The following NUP153 variants were observed in gnomAD, a reference collection of about 807,000 sequenced individuals.
The protein encoded by NUP153 is nucleoporin 153, also known as nuclear pore complex protein Nup153.
Under a neutral mutation model 134.6 loss-of-function variants are expected in NUP153, and 27 were observed. The ratio of observed to expected loss-of-function variants is 0.20; its 90% CI spans 0.15 to 0.28. The LOEUF (loss-of-function observed/expected upper bound fraction) is 0.28, where lower values mean the gene tolerates loss of function less well. NUP153 is among the 10% of genes least tolerant of loss of function. The pLI is 1.00. For synonymous variants in NUP153, 640 were observed against 623.5 expected (o/e 1.03, Z -0.40); for missense variants, 1,821 against 1,731.3 (o/e 1.05, Z -0.92).
intron 2 of NUP153, among the ~76,000 whole-genome samples, chr6:17,686,084 G>T (rs999723889): frequency 6.6e-6 from 1 of 151,910 alleles, no homozygotes; most frequent in Non-Finnish European, 1.5e-5. Context: ...GAAGGTTGAG[G>T]TTGCAGTGAG....
chr6:17,670,245 G>A (rs1298513662), intron 5 of NUP153, among the ~76,000 whole-genome samples: 2 of 151,840 alleles, frequency 1.3e-5, no homozygotes, highest in African/African-American at 2.4e-5. Flanking sequence ...CATAATTACT[G>A]TTAATTATAT....
At chr6:17,682,940 A>AC (rs1448884679) in intron 2 of NUP153, among the ~76,000 whole-genome samples, 8 of 151,480 alleles carry the variant, frequency 5.3e-5, no homozygotes, top group Non-Finnish European at 1.0e-4. Flanking sequence ...AAAAAAAAAA[A>AC]AACACTTTCT....
intron 14 of NUP153, among the ~76,000 whole-genome samples, chr6:17,644,404 G>A (rs1766028931): frequency 6.6e-6 from 1 of 152,158 alleles, no homozygotes; most frequent in Admixed American, 6.5e-5. Flanking sequence ...AATGCAGTCA[G>A]AATAAAATCC....
intron 9 of NUP153, among the ~76,000 whole-genome samples, chr6:17,663,947 C>T (rs184253426): frequency 2.0e-5 from 3 of 151,714 alleles, no homozygotes; most frequent in African/African-American, 7.3e-5. Context: ...CACAAACACA[C>T]AAAAAAACAC....
chr6:17,699,602 C>T (rs1375008662), intron 1 of NUP153, among the ~76,000 whole-genome samples: 2 of 151,984 alleles, frequency 1.3e-5, no homozygotes, highest in South Asian at 2.1e-4. Context: ...TTTGGGAAGC[C>T]GAGGAGGGCA....
At chr6:17,677,829 T>C (rs1270879756) in intron 2 of NUP153, among the ~76,000 whole-genome samples, 2 of 151,816 alleles carry the variant, frequency 1.3e-5, no homozygotes, top group African/African-American at 4.8e-5. Context: ...TCCCAATTGT[T>C]TGATATTACA....
intron 1 of NUP153, among the ~76,000 whole-genome samples, chr6:17,689,937 A>G (rs1769176755): frequency 6.6e-6 from 1 of 152,190 alleles, no homozygotes; most frequent in South Asian, 2.1e-4. Flanking sequence ...CAATTTATAC[A>G]TATTATTTAG....
Position 17,706,126 on chromosome 6 carries a change from C to T in NUP153, c.111+151G>A. 1 of 649,270 alleles carries T rather than the reference C, an allele frequency of 1.5e-6. No individual in the cohort carries two copies. The highest frequency in any genetic ancestry group is 2.7e-6 in the Non-Finnish European group (1 of 376,116). The allele number at this position is 649,270 out of a possible 1,614,324, so 40.2% of individuals were successfully genotyped here. A position where few individuals can be genotyped will look rare whatever the true frequency, so the allele number is the denominator to read the frequency against. ...TCTCAGCCCACTTCCCGTCGCCACC[C>T]CCAACGGCCTGAGCTCCCCCGGAGC... On this transcript the variant is annotated intron_variant, in intron 1 of 21. Transcript: ENST00000262077. The surrounding 1 kb of genome is among the most constrained non-coding windows in gnomAD (Gnocchi z 5.9).
chr6:17,662,583 A>G (rs1471910555), intron 9 of NUP153, among the ~76,000 whole-genome samples: 1 of 152,236 alleles, frequency 6.6e-6, no homozygotes, highest in Non-Finnish European at 1.5e-5. Context: ...ATCATCAATA[A>G]TGCTAACACT....
Position 17,675,589 on chromosome 6 carries a change from A to G in NUP153, c.516T>C (p.Ser172=). The change falls in exon 3 of 22, where the codon TCT becomes TCC. Residue 172 remains serine, a synonymous_variant. Transcript: ENST00000262077. This position sits in a 1 kb window ranked among gnomAD's most constrained non-coding sequence, Gnocchi z 4.4. ...GFSLVKEIKD[S]TSQHDDDNIS... is the part of the protein sequence containing the mutation. ...TGTTATCATCATCATGCTGAGAGGTAGAATCTTTAATTTCCTTTACAAGGG... is the reference window on the plus strand; with the variant it reads ...TGTTATCATCATCATGCTGAGAGGTGGAATCTTTAATTTCCTTTACAAGGG... 5 of 1,614,076 alleles carry G rather than the reference A, an allele frequency of 3.1e-6. No homozygotes were observed. The highest frequency in any genetic ancestry group is 4.2e-6 in the Non-Finnish European group (5 of 1,179,892).
chr6:17,649,581 T>C (rs1364449968), intron 11 of NUP153, among the ~76,000 whole-genome samples: 4 of 152,208 alleles, frequency 2.6e-5, no homozygotes, highest in Non-Finnish European at 5.9e-5. Flanking sequence ...GTTGTACTAA[T>C]ATGAAACATA....
intron 2 of NUP153, among the ~76,000 whole-genome samples, chr6:17,681,223 A>G (rs201843051): frequency 6.7e-6 from 1 of 149,888 alleles, no homozygotes; most frequent in African/African-American, 2.5e-5. Flanking sequence ...AAAAAAAAAA[A>G]CGGACTCAAA....
chr6:17,698,510 G>A (rs1769813238), intron 1 of NUP153, among the ~76,000 whole-genome samples: 1 of 152,036 alleles, frequency 6.6e-6, no homozygotes, highest in South Asian at 2.1e-4. Context: ...AGGCCGAGGT[G>A]GGCGGATCAC....
At chr6:17,703,757 A>T (rs1242481740) in intron 1 of NUP153, among the ~76,000 whole-genome samples, 1 of 152,120 alleles carries the variant, frequency 6.6e-6, no homozygotes, top group East Asian at 1.9e-4. Flanking sequence ...AGTGTTGATC[A>T]AGAAACCCCT....
At chr6:17,619,435 TG>T (rs1343463736) in intron 20 of NUP153, 2 of 152,070 alleles carry the variant, frequency 1.3e-5, no homozygotes, top group African/African-American at 4.8e-5. Context: ...TCCAAAAGAA[TG>T]GTAAAAAGAG....
chr6:17,642,965 TAA>T (rs1765928885), intron 14 of NUP153, among the ~76,000 whole-genome samples: 1 of 152,202 alleles, frequency 6.6e-6, no homozygotes, highest in South Asian at 2.1e-4. Context: ...ATATTCAGAA[TAA>T]GTCAATCCAT....
intron 2 of NUP153, among the ~76,000 whole-genome samples, chr6:17,685,761 ATACTT>A (rs1401679103): frequency 1.3e-5 from 2 of 152,118 alleles, no homozygotes; most frequent in African/African-American, 4.8e-5. Context: ...ATAGAATACT[ATACTT>A]GGTAATGATA....
chr6:17,679,072 A>C (rs1768413143), intron 2 of NUP153, among the ~76,000 whole-genome samples: 1 of 152,210 alleles, frequency 6.6e-6, no homozygotes, highest in African/African-American at 2.4e-5. Context: ...AACACTCAAC[A>C]AACTAAGACT....
At chr6:17,694,860 A>T (rs992970047) in intron 1 of NUP153, among the ~76,000 whole-genome samples, 4 of 150,598 alleles carry the variant, frequency 2.7e-5, no homozygotes, top group African/African-American at 9.8e-5. Flanking sequence ...GCACCTGTAG[A>T]CCCAGCTACT....
Sources: allele counts gnomAD v4.1 joint callset (sites outside exome capture counted in the v4.1 genomes callset), GRCh38; gene constraint gnomAD v4.1.1; non-coding constraint Gnocchi (gnomAD v3.1); transcripts MANE v1.5; gene names NCBI Gene and HGNC (gene_info 2026-07-23, HGNC 2026-07-21).